DPY30: variants seen among roughly 807,000 people sequenced by gnomAD.
DPY30 encodes dpy-30 histone methyltransferase complex regulatory subunit.
DPY30 carries 6 observed loss-of-function variants against 16.2 expected under a neutral mutation model. The observed-to-expected ratio is 0.37, with a 90% CI of 0.20 to 0.73. DPY30 has a LOEUF of 0.73. Ranked by LOEUF, DPY30 falls within the 30% of genes least tolerant of loss-of-function variation. The pLI is 0.51. For missense variants in DPY30, 73 were observed against 113.1 expected, an observed-to-expected ratio of 0.65 and a Z score of 1.61; for synonymous variants, 39 against 38.8, an observed-to-expected ratio of 1.00 and a Z score of -0.02.
At chr2:32,030,994 A>G (rs575595063) in intron 3 of DPY30, among the ~76,000 whole-genome samples, 2 of 152,334 alleles carry the variant, frequency 1.3e-5, no homozygotes, top group African/African-American at 4.8e-5. Flanking sequence ...AATGAAGTTT[A>G]AAAAATAACA....
intron 5 of DPY30, among the ~76,000 whole-genome samples, chr2:32,017,340 G>C (rs1222688567): frequency 6.6e-6 from 1 of 152,048 alleles, no homozygotes; most frequent in East Asian, 1.9e-4. Context: ...CTCTCAGCTG[G>C]GGGTGGTGGC....
intron 1 of DPY30, 110 bp downstream of exon 1, chr2:32,039,623 C>T (rs979627041): frequency 3.1e-4 from 250 of 801,848 alleles, no homozygotes; most frequent in Non-Finnish European, 3.5e-4. Context: ...AGCAGTAGAG[C>T]AGCAGAGTGG....
chr2:32,024,988 T>C lies in DPY30; in HGVS notation c.228-732A>G, dbSNP rs556399403. On this transcript the variant is annotated intron_variant, in intron 4 of 4. Transcript: ENST00000342166. ...AGAATACAAGTCCAAAGTTGAAAAA[T>C]TGGGGAGACATCTATTTTAAACTCT... Among the ~76,000 whole-genome samples the C allele has an allele frequency of 3.9e-4, 59 of 152,272 alleles. 1 individual carries two copies. In the South Asian group the frequency reaches 0.012, roughly 30 times the overall value.
intron 3 of DPY30, among the ~76,000 whole-genome samples, chr2:32,030,064 CAAAAAAAA>C (rs398042393): frequency 9.7e-6 from 1 of 102,700 alleles, no homozygotes; most frequent in African/African-American, 3.5e-5. Flanking sequence ...AGTGTGTTCC[CAAAAAAAA>C]AAAAAAAAAA....
chr2:32,035,874 C>T (rs931062306), intron 3 of DPY30, among the ~76,000 whole-genome samples: 6 of 139,830 alleles, frequency 4.3e-5, no homozygotes, highest in African/African-American at 1.6e-4. Flanking sequence ...GCAGAGGTTA[C>T]AGTAAGCCGA....
intron 3 of DPY30, among the ~76,000 whole-genome samples, chr2:32,035,762 C>T (rs1431094775): frequency 5.3e-5 from 8 of 151,530 alleles, no homozygotes; most frequent in Non-Finnish European, 7.4e-5. Context: ...TGTGAAACCC[C>T]GCCTCTACTA....
At chr2:32,025,901 G>C (rs139565803) in intron 4 of DPY30, among the ~76,000 whole-genome samples, 2 of 151,672 alleles carry the variant, frequency 1.3e-5, no homozygotes, top group Non-Finnish European at 2.9e-5. Context: ...TGAGCCCAAG[G>C]GTTCAAAATC....
chr2:32,024,871 TACAAC>T (rs1675273468), intron 4 of DPY30, among the ~76,000 whole-genome samples: 1 of 152,184 alleles, frequency 6.6e-6, no homozygotes, highest in Non-Finnish European at 1.5e-5. Context: ...TTCTATTTAA[TACAAC>T]TACAGTACAC....
chr2:32,039,610 A>T (rs1675888330), intron 1 of DPY30, 118 bp from the exon 2 acceptor site: 1 of 919,692 alleles, frequency 1.1e-6, no homozygotes, highest in African/African-American at 1.6e-5. Flanking sequence ...CGGGAGCACC[A>T]CGAGCAGTAG....
rs376052983 is a variant in DPY30, at chr2:32,014,444, C to T, written n.378-2392G>A. ...TTGAGACTGCAATGAGCTATGATCA[C>T]ACCACTGCACTCCAGGCTGGGCAAC... On this transcript the variant is annotated intron_variant and non_coding_transcript_variant, in intron 5 of 5. Transcript: ENST00000414013. Among the ~76,000 whole-genome samples the T allele has an allele frequency of 2.6e-4, 40 of 151,774 alleles. 2 individuals carry two copies. In the Middle Eastern group the frequency reaches 0.01, roughly 40 times the overall value.
intron 5 of DPY30, among the ~76,000 whole-genome samples, chr2:32,014,485 C>CTT (rs34360226): frequency 9.8e-4 from 138 of 141,106 alleles, no homozygotes; most frequent in African/African-American, 3.3e-3. Flanking sequence ...GAGATCCCAT[C>CTT]TTTTTTTTTT....
chr2:32,031,741 A>T (rs1675551051), intron 3 of DPY30, among the ~76,000 whole-genome samples: 1 of 151,906 alleles, frequency 6.6e-6, no homozygotes. Flanking sequence ...AAAAATACAA[A>T]AATTAGCTGG....
chr2:32,022,523 A>AT (rs1286661062), downstream of DPY30, among the ~76,000 whole-genome samples: 2 of 150,642 alleles, frequency 1.3e-5, no homozygotes, highest in Admixed American at 6.6e-5. Flanking sequence ...TTTTTTTTTA[A>AT]TTTTTTTTCT....
Position 32,029,690 on chromosome 2 carries a change from T to TTTGATG in DPY30, c.130_131insCATCAA (p.Gln44delinsProSerLys). On this transcript the variant is annotated protein_altering_variant, in exon 4 of 5. Coordinates refer to ENST00000342166, the MANE Select transcript of DPY30 (RefSeq NM_001321209.2). ...TGGCAAAGACTGGAGATCTACCTTCTGCTTTGATGACTTTTCTGCATTAAT... is the reference window on the plus strand; with the variant it reads ...TGGCAAAGACTGGAGATCTACCTTCTTTGATGGCTTTGATGACTTTTCTGCATTAAT... 1 of 1,614,168 alleles carries TTTGATG rather than the reference T, an allele frequency of 6.2e-7. No individual in the cohort carries two copies.
At chr2:32,016,152 G>A (rs556315561) in intron 5 of DPY30, among the ~76,000 whole-genome samples, 3 of 152,192 alleles carry the variant, frequency 2.0e-5, no homozygotes, top group Admixed American at 1.3e-4. Context: ...TGCCTGCCTC[G>A]GCCTTGCAAG....
At chr2:32,033,342 A>G (rs935083808) in intron 3 of DPY30, among the ~76,000 whole-genome samples, 15 of 151,908 alleles carry the variant, frequency 9.9e-5, no homozygotes, top group African/African-American at 3.6e-4. Flanking sequence ...TGTTAGTTAC[A>G]TGACATTACA....
exon 6 of DPY30, chr2:32,011,940 T>G (rs975637540): frequency 5.3e-5 from 8 of 152,254 alleles, no homozygotes; most frequent in African/African-American, 1.9e-4. Flanking sequence ...CCTGTGGTCC[T>G]AGCTACTTGG....
chr2:32,038,424 G>T, intron 3 of DPY30, among the ~76,000 whole-genome samples: 1 of 90,920 alleles, frequency 1.1e-5, no homozygotes, highest in Non-Finnish European at 2.1e-5. Flanking sequence ...GGGGGGGGCG[G>T]GGGGAGGGAA....
intron 5 of DPY30, chr2:32,012,158 T>G (rs1211638628): frequency 6.6e-6 from 1 of 152,224 alleles, no homozygotes; most frequent in Non-Finnish European, 1.5e-5. Context: ...TCAAGTTTAC[T>G]TTTAAAAGTG....
Sources: gnomAD v4.1 joint callset for allele counts (sites outside exome capture counted in the v4.1 genomes callset) on GRCh38, gnomAD v4.1.1 for gene constraint, MANE v1.5 for transcripts, NCBI Gene and HGNC (gene_info 2026-07-23, HGNC 2026-07-21) for gene names.